C8orf34: variants seen among roughly 807,000 people sequenced by gnomAD.
C8orf34 encodes the protein uncharacterized protein C8orf34.
In C8orf34, 65 loss-of-function variants were observed where a neutral mutation model predicts 68.3. The ratio of observed to expected loss-of-function variants is 0.95; its 90% CI spans 0.78 to 1.17. The LOEUF is 1.17. Ranked by LOEUF, C8orf34 falls within the 50% of genes most tolerant of loss-of-function variation. The pLI is 0.00. For synonymous variants in C8orf34, 244 were observed against 241.2 expected (o/e 1.01, Z -0.11); for missense variants, 664 against 655.4 (o/e 1.01, Z -0.14).
intron 1 of C8orf34, among the ~76,000 whole-genome samples, chr8:68,396,525 C>T (rs1028370842): frequency 6.6e-6 from 1 of 151,504 alleles, no homozygotes; most frequent in Non-Finnish European, 1.5e-5. Flanking sequence ...CACACCTGTA[C>T]CCCTGGTTAT....
At chr8:68,737,276 T>C (rs927314663) in intron 10 of C8orf34, among the ~76,000 whole-genome samples, 47 of 152,130 alleles carry the variant, frequency 3.1e-4, no homozygotes, top group African/African-American at 1.0e-3. Flanking sequence ...CCATTTTCTG[T>C]CCTTAATAGA....
At chr8:68,683,140 T>C (rs1244546582) in intron 8 of C8orf34, among the ~76,000 whole-genome samples, 1 of 152,072 alleles carries the variant, frequency 6.6e-6, no homozygotes, top group Admixed American at 6.6e-5. Context: ...GTGAGAAATC[T>C]GGACCCCCCA....
chr8:68,719,424 T>G (rs926573022), intron 9 of C8orf34, among the ~76,000 whole-genome samples: 1 of 152,138 alleles, frequency 6.6e-6, no homozygotes, highest in East Asian at 1.9e-4. Flanking sequence ...ACAAAGTTAC[T>G]AATACTTTTG....
intron 10 of C8orf34, among the ~76,000 whole-genome samples, chr8:68,754,553 G>A (rs1364909967): frequency 1.3e-5 from 2 of 152,204 alleles, no homozygotes; most frequent in African/African-American, 4.8e-5. Flanking sequence ...CCTGGGCCTT[G>A]AATAAATCTA....
In C8orf34 at chr8:68,668,516, C is replaced by A. The variant is rs182316831; in HGVS notation, c.1241+28005C>A. ...AGTCTGATTCCTAGCAAATGTGAGG[C>A]TCTGTTGTTTGAAATATTCAAGTAG... On this transcript the variant is annotated intron_variant, in intron 8 of 13. Transcript: ENST00000518698. Among the ~76,000 whole-genome samples the A allele has an allele frequency of 2.6e-5, 4 of 152,176 alleles. No individual in the cohort carries two copies. The East Asian group carries it at 7.8e-4, about 30-fold the overall frequency.
chr8:68,721,256 ACAC>A (rs1821666173), intron 9 of C8orf34, 102 bp from the exon 10 acceptor site: 1 of 699,020 alleles, frequency 1.4e-6, no homozygotes, highest in African/African-American at 1.9e-5. Flanking sequence ...GATTTTTTCA[ACAC>A]CCAATTCCAT....
At chr8:68,667,319 A>G (rs1034038805) in intron 8 of C8orf34, among the ~76,000 whole-genome samples, 3 of 152,184 alleles carry the variant, frequency 2.0e-5, no homozygotes, top group African/African-American at 7.2e-5. Flanking sequence ...AACAAGAATC[A>G]AAGGTTCTCA....
intron 8 of C8orf34, among the ~76,000 whole-genome samples, chr8:68,679,589 A>T (rs1225609976): frequency 6.6e-6 from 1 of 152,196 alleles, no homozygotes; most frequent in East Asian, 1.9e-4. Context: ...TTTTATATGG[A>T]ACCACAAAAG....
chr8:68,353,032 CT>C lies in C8orf34; in HGVS notation c.327+21695del, dbSNP rs544856616. 6.7e-3 allele frequency among the ~76,000 whole-genome samples: 1,018 copies of C among 152,122 alleles called. 10 individuals carry two copies. The highest frequency in any genetic ancestry group is 0.023 in the African/African-American group (943 of 41,506). ...TGAAGTAGATAACTGACAACAATTC[CT>C]TATTAAATCACTTAGAAATTACCTC... is the stretch of plus-strand genomic sequence containing the variant. On this transcript the variant is annotated intron_variant, in intron 1 of 13. Coordinates refer to ENST00000518698, the MANE Select transcript of C8orf34 (RefSeq NM_052958.4).
chr8:68,764,835 T>C (rs1823123861), intron 10 of C8orf34, among the ~76,000 whole-genome samples: 1 of 152,184 alleles, frequency 6.6e-6, no homozygotes. Context: ...AAGTGTTCCT[T>C]TATTAATCAA....
At chr8:68,670,363 C>G (rs1180517761) in intron 8 of C8orf34, among the ~76,000 whole-genome samples, 1 of 152,162 alleles carries the variant, frequency 6.6e-6, no homozygotes, top group Non-Finnish European at 1.5e-5. Flanking sequence ...TCTTAAATCC[C>G]TTCCCTAGGA....
At chr8:68,570,339 T>C (rs1216801103) in intron 7 of C8orf34, among the ~76,000 whole-genome samples, 1 of 152,228 alleles carries the variant, frequency 6.6e-6, no homozygotes, top group Non-Finnish European at 1.5e-5. Flanking sequence ...CTAGCTAATG[T>C]GCAAACACAG....
At chr8:68,655,426 G>A (rs1168048445) in intron 8 of C8orf34, among the ~76,000 whole-genome samples, 1 of 152,158 alleles carries the variant, frequency 6.6e-6, no homozygotes, top group African/African-American at 2.4e-5. Context: ...GAGTAAAGAA[G>A]TTCCCTAACT....
At chr8:68,481,971 G>T (rs1046029836) in intron 4 of C8orf34, among the ~76,000 whole-genome samples, 8 of 152,168 alleles carry the variant, frequency 5.3e-5, no homozygotes, top group Non-Finnish European at 8.8e-5. Flanking sequence ...GAGGACATGA[G>T]ATTTGGAGGG....
In C8orf34 at chr8:68,616,038, A is replaced by T. The variant is rs1818201070; in HGVS notation, c.1106-24338A>T. On this transcript the variant is annotated intron_variant, in intron 7 of 13. Coordinates refer to ENST00000518698, the MANE Select transcript of C8orf34 (RefSeq NM_052958.4). ...TCTTGGGAGGGTGTACGTGTCGAGGAATTTATCCATTTCTTCTAGATTTTC... is the reference window on the plus strand; with the variant it reads ...TCTTGGGAGGGTGTACGTGTCGAGGTATTTATCCATTTCTTCTAGATTTTC... Among the ~76,000 whole-genome samples, 3 of 151,176 alleles carry T rather than the reference A, an allele frequency of 2.0e-5. No homozygotes were observed. In the South Asian group the frequency reaches 6.3e-4, roughly 32 times the overall value.
At chr8:68,594,434 A>C (rs1286294161) in intron 7 of C8orf34, among the ~76,000 whole-genome samples, 1 of 152,038 alleles carries the variant, frequency 6.6e-6, no homozygotes, top group African/African-American at 2.4e-5. Context: ...TTATCTAAAA[A>C]ATATGTATTT....
intron 7 of C8orf34, among the ~76,000 whole-genome samples, chr8:68,617,895 C>T (rs1818273612): frequency 6.6e-6 from 1 of 152,144 alleles, no homozygotes; most frequent in Admixed American, 6.5e-5. Context: ...AACTTGATTC[C>T]ATTCTCCCCG....
intron 8 of C8orf34, among the ~76,000 whole-genome samples, chr8:68,664,497 T>G (rs1037526857): frequency 2.0e-5 from 3 of 152,210 alleles, no homozygotes; most frequent in Non-Finnish European, 4.4e-5. Context: ...ACTTTCAGTA[T>G]AGTATTCAAT....
chr8:68,342,621 T>C (rs2129618083), intron 1 of C8orf34, among the ~76,000 whole-genome samples: 1 of 152,302 alleles, frequency 6.6e-6, no homozygotes, highest in East Asian at 1.9e-4. Context: ...AGTAGCATTG[T>C]TAAGTCTAAC....
Sources: allele counts gnomAD v4.1 joint callset (sites outside exome capture counted in the v4.1 genomes callset), GRCh38; gene constraint gnomAD v4.1.1; transcripts MANE v1.5; gene names NCBI Gene and HGNC (gene_info 2026-07-23, HGNC 2026-07-21).